LRBA: variants seen among roughly 807,000 people sequenced by gnomAD.
LRBA encodes the protein LPS responsive beige-like anchor protein, also known as lipopolysaccharide-responsive and beige-like anchor protein.
In LRBA, 176 loss-of-function variants were observed where a neutral mutation model predicts 330.0. The ratio of observed to expected loss-of-function variants is 0.53; its 90% CI spans 0.47 to 0.60. LRBA has a LOEUF of 0.60. Ranked by LOEUF, LRBA falls within the 20% of genes least tolerant of loss-of-function variation. The probability of loss-of-function intolerance (pLI) is 0.00; values close to 1 mark genes in which losing one functional copy is unlikely to be tolerated. For missense variants in LRBA, 3,259 were observed against 3,444.8 expected (o/e 0.95, Z 1.35); for synonymous variants, 1,230 against 1,193.0 (o/e 1.03, Z -0.64).
chr4:150,914,130 G>A (rs1172658327), intron 9 of LRBA, 65 bp downstream of exon 9: 2 of 1,307,906 alleles, frequency 1.5e-6, no homozygotes, highest in African/African-American at 1.5e-5. Flanking sequence ...AACTCTCCAT[G>A]TATAACCCAC....
chr4:150,643,445 A>G (rs1261878083), intron 37 of LRBA, among the ~76,000 whole-genome samples: 1 of 151,976 alleles, frequency 6.6e-6, no homozygotes, highest in Non-Finnish European at 1.5e-5. Flanking sequence ...AAGTAGGTGG[A>G]AGAAGAATGG....
At position 150,777,062 on chromosome 4, in the gene LRBA, G is replaced by C. The variant is rs936244874; in HGVS notation, c.5581-15215C>G. 3.8e-5 allele frequency among the ~76,000 whole-genome samples: 4 copies of C among 105,848 alleles called. 1 individual carries two copies. In the East Asian group the frequency reaches 1.0e-3, roughly 27 times the overall value. 69.4% of individuals were successfully genotyped at this position (105,848 alleles called of 152,430 possible). On this transcript the variant is annotated intron_variant, in intron 34 of 56. Transcript: ENST00000651943. Reference sequence around the variant, plus strand: ...CTTTTTTTAAAGTCAGTTTTTTGAGGGGTTTTGTTGTTGTTGTTGTTGTTG... The same window carrying C: ...CTTTTTTTAAAGTCAGTTTTTTGAGCGGTTTTGTTGTTGTTGTTGTTGTTG...
intron 36 of LRBA, among the ~76,000 whole-genome samples, chr4:150,703,897 A>T (rs1255285757): frequency 6.6e-6 from 1 of 152,106 alleles, no homozygotes; most frequent in African/African-American, 2.4e-5. Flanking sequence ...AAAGAACAGA[A>T]CATTTCACCT....
intron 40 of LRBA, among the ~76,000 whole-genome samples, chr4:150,526,556 T>C (rs1203281213): frequency 2.0e-5 from 3 of 152,150 alleles, no homozygotes; most frequent in African/African-American, 7.2e-5. Flanking sequence ...TCTCTTCACT[T>C]TCTCCCTCCT....
chr4:150,384,566 C>T (rs1479539265), intron 47 of LRBA, among the ~76,000 whole-genome samples: 1 of 152,050 alleles, frequency 6.6e-6, no homozygotes, highest in Non-Finnish European at 1.5e-5. Flanking sequence ...TAAACTTAGA[C>T]CCAGCATTAA....
chr4:150,866,942 C>A (rs1752776563), intron 22 of LRBA, among the ~76,000 whole-genome samples: 2 of 151,754 alleles, frequency 1.3e-5, no homozygotes. Flanking sequence ...AGACAAAAGA[C>A]AACACCAAAT....
At chr4:150,653,103 G>A (rs182680025) in intron 37 of LRBA, among the ~76,000 whole-genome samples, 1 of 152,242 alleles carries the variant, frequency 6.6e-6, no homozygotes, top group African/African-American at 2.4e-5. Flanking sequence ...AGCACTTTGG[G>A]AGGACAAGGC....
chr4:150,925,421 G>A (rs572274888), intron 4 of LRBA, among the ~76,000 whole-genome samples: 6 of 152,188 alleles, frequency 3.9e-5, no homozygotes, highest in South Asian at 4.1e-4. Context: ...CTTGGAATAC[G>A]CACTCAGAAG....
chr4:150,701,900 G>A (rs180959692), intron 36 of LRBA, among the ~76,000 whole-genome samples: 1 of 152,210 alleles, frequency 6.6e-6, no homozygotes, highest in East Asian at 1.9e-4. Context: ...AATCACTGAG[G>A]CAGAACCATC....
In LRBA at chr4:150,265,589, A is replaced by G; in HGVS notation, c.*133T>C. 1 of 616,330 alleles carries G rather than the reference A, an allele frequency of 1.6e-6. No homozygotes were observed. Among genetic ancestry groups the G allele is most frequent in the Non-Finnish European group, 2.9e-6 (1 of 340,024 alleles). 38.2% of individuals were successfully genotyped at this position (616,330 alleles called of 1,614,324 possible). ...GTCAAGCAAAGACTACAAAAATAGC[A>G]ATTATTAATAACTTTAAAAAATATT... On this transcript the variant is annotated 3_prime_UTR_variant, in exon 57 of 57. Coordinates refer to ENST00000651943, the MANE Select transcript of LRBA (RefSeq NM_001364905.1).
chr4:150,478,948 C>A lies in LRBA; in HGVS notation c.6552-7209G>T, dbSNP rs141932123. Among the ~76,000 whole-genome samples the A allele has an allele frequency of 3.7e-4, 57 of 152,192 alleles. No homozygotes were observed. In the East Asian group the frequency reaches 8.5e-3, roughly 23 times the overall value. The stretch of plus-strand genomic sequence containing the variant: ...ATCTTGTACATGGCTGAGTGCTTGA[C>A]ACATTGTAAGTGAAAATCTATTTAA... On this transcript the variant is annotated intron_variant, in intron 42 of 56. Transcript: ENST00000651943.
At chr4:150,805,551 G>GA (rs1264385646) in intron 33 of LRBA, among the ~76,000 whole-genome samples, 529 of 26,338 alleles carry the variant, frequency 0.02, 21 homozygotes, top group African/African-American at 0.054. Context: ...AGAAGGAAAG[G>GA]AAAGGAAAGG....
intron 30 of LRBA, among the ~76,000 whole-genome samples, chr4:150,822,610 T>A (rs1023891959): frequency 3.3e-5 from 5 of 152,068 alleles, no homozygotes; most frequent in South Asian, 2.1e-4. Context: ...CTACAAAAAA[T>A]TTTTTAAATA....
chr4:150,647,652 T>A (rs1274579245), intron 37 of LRBA, among the ~76,000 whole-genome samples: 2 of 151,918 alleles, frequency 1.3e-5, no homozygotes, highest in African/African-American at 4.8e-5. Context: ...TCCCACCTCC[T>A]TAAATGCTGG....
intron 40 of LRBA, among the ~76,000 whole-genome samples, chr4:150,499,368 C>G (rs866567507): frequency 6.6e-6 from 1 of 152,088 alleles, no homozygotes; most frequent in African/African-American, 2.4e-5. Context: ...CAGGGCCAGG[C>G]AAAGTGGATT....
intron 40 of LRBA, among the ~76,000 whole-genome samples, chr4:150,566,407 C>T (rs1769142770): frequency 6.6e-6 from 1 of 151,896 alleles, no homozygotes; most frequent in South Asian, 2.1e-4. Context: ...TAAATTATAT[C>T]TGGATTGTAT....
At chr4:150,812,364 T>C (rs1278399554) in intron 31 of LRBA, among the ~76,000 whole-genome samples, 1 of 152,058 alleles carries the variant, frequency 6.6e-6, no homozygotes, top group East Asian at 1.9e-4. Context: ...AAAAGGAAAA[T>C]GCAAATATAT....
rs1277014650 is a variant in LRBA at position 150,415,612 on chromosome 4, T to C, written c.7042-22A>G. The C allele has an allele frequency of 2.8e-6, 4 of 1,411,196 alleles. No homozygotes were observed. The African/African-American group carries it at 5.7e-5, about 20-fold the overall frequency. 87.4% of individuals were successfully genotyped at this position (1,411,196 alleles called of 1,614,324 possible). A position where few individuals can be genotyped will look rare whatever the true frequency, so the allele number is the denominator to read the frequency against. ...ACTCCTATATAAAAATAAAAGACAA[T>C]GTGATATTATAAACTGTAGGATACT... On this transcript the variant is annotated intron_variant, in intron 46 of 56. Transcript: ENST00000651943.
intron 35 of LRBA, among the ~76,000 whole-genome samples, chr4:150,757,999 AGAT>A (rs2126445209): frequency 6.6e-6 from 1 of 152,352 alleles, no homozygotes; most frequent in African/African-American, 2.4e-5. Context: ...AAATGATAAC[AGAT>A]GATATAAAAA....
Sources: gnomAD v4.1 joint callset for allele counts (sites outside exome capture counted in the v4.1 genomes callset) on GRCh38, gnomAD v4.1.1 for gene constraint, MANE v1.5 for transcripts, NCBI Gene and HGNC (gene_info 2026-07-23, HGNC 2026-07-21) for gene names.